MUSK: variants seen among roughly 807,000 people sequenced by gnomAD.
MUSK encodes muscle associated receptor tyrosine kinase.
Under a neutral mutation model 88.7 loss-of-function variants are expected in MUSK, and 55 were observed. That is an observed-to-expected ratio of 0.62 (90% confidence interval 0.50 to 0.78). MUSK has a LOEUF of 0.78. Among genes scored for constraint, MUSK ranks in the 30% least tolerant of loss-of-function variants. MUSK has a pLI of 0.00. For missense variants in MUSK, 1,015 were observed against 1,074.3 expected, an observed-to-expected ratio of 0.94 and a Z score of 0.77; for synonymous variants, 387 against 391.9, an observed-to-expected ratio of 0.99 and a Z score of 0.15.
Position 110,800,772 on chromosome 9 carries a change from T to C in MUSK, c.2394T>C (p.Tyr798=), listed in dbSNP as rs368256487. 2.5e-5 allele frequency: 41 copies of C among 1,613,922 alleles called. 2 individuals are homozygous for C. In the South Asian group the frequency reaches 4.5e-4, roughly 18 times the overall value. Residue 798 remains tyrosine, a synonymous_variant, in exon 15 of 15, where the codon TAT becomes TAC. Transcript: ENST00000374448. ...TGGTCCTCTGGGAGATCTTCTCCTA[T>C]GGCCTGCAGCCCTACTATGGGATGG... ...YGVVLWEIFS[Y]GLQPYYGMAH...
chr9:110,739,554 G>A (rs2077071566), intron 6 of MUSK, among the ~76,000 whole-genome samples: 1 of 152,062 alleles, frequency 6.6e-6, no homozygotes, highest in African/African-American at 2.4e-5. Context: ...ATCCAGCATT[G>A]CCCAAAATCT....
At chr9:110,799,964 C>A (rs79412286) in intron 14 of MUSK, among the ~76,000 whole-genome samples, 14,765 of 152,060 alleles carry the variant, frequency 0.097, 935 homozygotes, top group South Asian at 0.18. Context: ...GAGAGAAGAG[C>A]CACTCCAGAG....
chr9:110,729,326 T>TAAAAAAAAAAAAAAAAAAAAAAAAA (rs34882321), intron 5 of MUSK, among the ~76,000 whole-genome samples: 1 of 97,432 alleles, frequency 1.0e-5, no homozygotes, highest in African/African-American at 3.6e-5. Flanking sequence ...CTGTTTTCTG[T>TAAAAAAAAAAAAAAAAAAAAAAAAA]AAAAAAAAAA....
chr9:110,800,849 CT>C lies in MUSK; in HGVS notation c.2472del (p.Glu825ArgfsTer43). 1 of 1,608,000 alleles carries C rather than the reference CT, an allele frequency of 6.2e-7. No individual in the cohort carries two copies. On this transcript the variant is annotated frameshift_variant, in exon 15 of 15. Transcript: ENST00000374448. LOFTEE classifies it high-confidence loss of function. Reference protein sequence around the residue: ...YVRDGNILSCPENCPVELYNL... With the variant: ...YVRDGNILSCXENCPVELYNL... ...CGAGATGGCAACATCCTCTCCTGCCCTGAGAACTGCCCCGTGGAGCTGTACA... is the reference window on the plus strand; with the variant it reads ...CGAGATGGCAACATCCTCTCCTGCCCGAGAACTGCCCCGTGGAGCTGTACA...
chr9:110,800,938 C>T lies in MUSK; in HGVS notation c.2560C>T (p.Arg854Ter), dbSNP rs764615519. 1 of 1,527,106 alleles carries T rather than the reference C, an allele frequency of 6.5e-7. No individual in the cohort carries two copies. The allele number at this position is 1,527,106 out of a possible 1,614,324, so 94.6% of individuals were successfully genotyped here. A position where few individuals can be genotyped will look rare whatever the true frequency, so the allele number is the denominator to read the frequency against. The change falls in exon 15 of 15, where the codon CGA (arginine) becomes TGA (stop). Residue 854 changes from arginine to a stop codon, truncating the protein, a stop_gained. Coordinates refer to ENST00000374448, the MANE Select transcript of MUSK (RefSeq NM_005592.4). LOFTEE classifies it high-confidence loss of function. Reference sequence around the variant, plus strand: ...CAGACCCAGTTTCACCAGTATTCACCGAATTCTGGAACGCATGTGTGAGAG... The same window carrying T: ...CAGACCCAGTTTCACCAGTATTCACTGAATTCTGGAACGCATGTGTGAGAG... Reference protein sequence around the residue: ...ADRPSFTSIHRILERMCERAE... With the variant: ...ADRPSFTSIH
At chr9:110,783,600 A>C (rs1237775276) in intron 11 of MUSK, among the ~76,000 whole-genome samples, 1 of 151,968 alleles carries the variant, frequency 6.6e-6, no homozygotes, top group African/African-American at 2.4e-5. Flanking sequence ...CATTGATTAG[A>C]CTACTATATG....
In MUSK at chr9:110,806,007, G is replaced by A. The variant is rs2078157162; in HGVS notation, c.*5019G>A. ...ATTTATGAAAGTAATACATAAAAAT[G>A]TTGTTTAAAAAAACTCACAAGAGGG... is the stretch of plus-strand genomic sequence containing the variant. On this transcript the variant is annotated 3_prime_UTR_variant, in exon 15 of 15. Coordinates refer to ENST00000374448, the MANE Select transcript of MUSK (RefSeq NM_005592.4). Among the ~76,000 whole-genome samples, 1 of 151,720 alleles carries A rather than the reference G, an allele frequency of 6.6e-6. No individual in the cohort carries two copies. The highest frequency in any genetic ancestry group is 2.4e-5 in the African/African-American group (1 of 41,336).
chr9:110,772,697 G>A (rs1335264756), intron 9 of MUSK, among the ~76,000 whole-genome samples: 1 of 151,898 alleles, frequency 6.6e-6, no homozygotes, highest in Admixed American at 6.6e-5. Flanking sequence ...TAATAGTGAT[G>A]CGTCAAAATT....
At chr9:110,671,900 C>A (rs1038096573) in intron 1 of MUSK, among the ~76,000 whole-genome samples, 1 of 152,126 alleles carries the variant, frequency 6.6e-6, no homozygotes, top group African/African-American at 2.4e-5. Context: ...TTTCAAAACA[C>A]CCGACTTACT....
chr9:110,748,952 A>T (rs544420549), intron 7 of MUSK, among the ~76,000 whole-genome samples: 1 of 152,316 alleles, frequency 6.6e-6, no homozygotes, highest in African/African-American at 2.4e-5. Context: ...TTATTCTAGC[A>T]TTTCCACAGG....
chr9:110,715,437 G>A (rs985933420), intron 5 of MUSK, among the ~76,000 whole-genome samples: 3 of 149,066 alleles, frequency 2.0e-5, no homozygotes, highest in Non-Finnish European at 4.4e-5. Context: ...CACCTGGATT[G>A]CTGTTAGGGT....
intron 7 of MUSK, among the ~76,000 whole-genome samples, chr9:110,755,921 C>CAAATATATATGCATAT (rs1554750736): frequency 9.3e-6 from 1 of 107,944 alleles, no homozygotes; most frequent in Non-Finnish European, 1.9e-5. Flanking sequence ...TGCCCAGTGC[C>CAAATATATATGCATAT]ATATATATAT....
At chr9:110,694,785 C>T (rs1013480306) in intron 3 of MUSK, among the ~76,000 whole-genome samples, 7 of 152,100 alleles carry the variant, frequency 4.6e-5, no homozygotes, top group African/African-American at 7.2e-5. Context: ...AATTAACTGG[C>T]ATAAACTATT....
intron 14 of MUSK, among the ~76,000 whole-genome samples, chr9:110,799,551 C>A (rs1411861848): frequency 3.3e-5 from 5 of 152,162 alleles, no homozygotes; most frequent in African/African-American, 7.2e-5. Flanking sequence ...TAACATCCTT[C>A]ATAGAAGTAA....
At chr9:110,702,737 A>G (rs2076547237) in intron 5 of MUSK, among the ~76,000 whole-genome samples, 1 of 152,100 alleles carries the variant, frequency 6.6e-6, no homozygotes, top group African/African-American at 2.4e-5. Context: ...TACAAAAAAT[A>G]TAAAAATTAG....
intron 5 of MUSK, among the ~76,000 whole-genome samples, chr9:110,732,417 G>A (rs991300994): frequency 1.3e-5 from 2 of 152,048 alleles, no homozygotes; most frequent in Non-Finnish European, 2.9e-5. Flanking sequence ...TCAAGAGTCT[G>A]TAACGTGTGA....
At chr9:110,707,447 A>G (rs1460140892) in intron 5 of MUSK, among the ~76,000 whole-genome samples, 1 of 152,230 alleles carries the variant, frequency 6.6e-6, no homozygotes, top group Non-Finnish European at 1.5e-5. Flanking sequence ...CATTCTGTGA[A>G]TATCACATTC....
Position 110,744,030 on chromosome 9 carries a change from C to T in MUSK, c.754-3611C>T, listed in dbSNP as rs369207499. On this transcript the variant is annotated intron_variant, in intron 6 of 14. Transcript: ENST00000374448. ...GTCATGAGGCTGGAGTGCAGTGGCG[C>T]GATCTCAGCTCACTGCAACCTCCAC... Among the ~76,000 whole-genome samples the T allele has an allele frequency of 5.4e-4, 82 of 151,544 alleles. No homozygotes were observed. In the East Asian group the frequency reaches 8.2e-3, roughly 15 times the overall value.
chr9:110,769,803 G>A (rs2077541132), intron 9 of MUSK, among the ~76,000 whole-genome samples: 1 of 145,532 alleles, frequency 6.9e-6, no homozygotes, highest in South Asian at 2.3e-4. Flanking sequence ...AACATAATTT[G>A]TGGTGGCCAC....
Sources: gnomAD v4.1 joint callset for allele counts (sites outside exome capture counted in the v4.1 genomes callset) on GRCh38, gnomAD v4.1.1 for gene constraint, MANE v1.5 for transcripts, NCBI Gene and HGNC (gene_info 2026-07-23, HGNC 2026-07-21) for gene names.